Variants in TIAM1 observed in about 807,000 individuals in gnomAD.
TIAM1 encodes the protein TIAM Rac1 associated GEF 1, also known as rho guanine nucleotide exchange factor TIAM1.
A neutral mutation model predicts 163.5 loss-of-function variants in TIAM1; 65 were observed. That is an observed-to-expected ratio of 0.40 (90% confidence interval 0.33 to 0.49). The LOEUF (loss-of-function observed/expected upper bound fraction) is 0.49, where lower values mean the gene tolerates loss of function less well. Among genes scored for constraint, TIAM1 ranks in the 20% least tolerant of loss-of-function variants. The pLI is 0.77. For missense variants in TIAM1, 1,789 were observed against 2,044.7 expected (o/e 0.87, Z 2.41); for synonymous variants, 833 against 810.1 (o/e 1.03, Z -0.48).
At chr21:31,309,765 A>G (rs1173378433) in intron 2 of TIAM1, among the ~76,000 whole-genome samples, 1 of 152,214 alleles carries the variant, frequency 6.6e-6, no homozygotes, top group Non-Finnish European at 1.5e-5. Flanking sequence ...AACTATATGA[A>G]AAACCCAAAT....
chr21:31,229,539 G>C lies in TIAM1; in HGVS notation c.1585-3589C>G, dbSNP rs574115464. ...TATTTCTTTGTCCTCCCAAGTGCCTGGTAGTACCTGATAAAAAGCTGGTTC... is the reference window on the plus strand; with the variant it reads ...TATTTCTTTGTCCTCCCAAGTGCCTCGTAGTACCTGATAAAAAGCTGGTTC... On this transcript the variant is annotated intron_variant, in intron 6 of 27. Coordinates refer to ENST00000541036, the MANE Select transcript of TIAM1 (RefSeq NM_001353694.2). Among the ~76,000 whole-genome samples the C allele has an allele frequency of 1.6e-4, 25 of 152,126 alleles. No homozygotes were observed. The South Asian group carries it at 4.6e-3, about 28-fold the overall frequency.
Position 31,210,653 on chromosome 21 carries a change from GAA to G in TIAM1, c.2218-440_2218-439del, listed in dbSNP as rs764603390. On this transcript the variant is annotated intron_variant, in intron 10 of 27. Coordinates refer to ENST00000541036, the MANE Select transcript of TIAM1 (RefSeq NM_001353694.2). Reference sequence around the variant, plus strand: ...AGAAAGAAAGAAAGAAAGAAAGAAAGAAAGAAAGAAAGAAAAAGAAAGAAAGA... The same window carrying G: ...AGAAAGAAAGAAAGAAAGAAAGAAAGAGAAAGAAAGAAAAAGAAAGAAAGA... Among the ~76,000 whole-genome samples, 194 of 25,130 alleles carry G rather than the reference GAA, an allele frequency of 7.7e-3. 11 individuals carry two copies. The highest frequency in any genetic ancestry group is 0.024 in the African/African-American group (128 of 5,296). The allele number at this position is 25,130 out of a possible 152,430, so 16.5% of individuals were successfully genotyped here.
At chr21:31,223,630 A>G in intron 7 of TIAM1, 39 bp from the exon 8 acceptor site, 1 of 1,556,566 alleles carries the variant, frequency 6.4e-7, no homozygotes, top group African/African-American at 1.4e-5. Flanking sequence ...AAAGTGAGAA[A>G]ATGGGAAACA....
intron 2 of TIAM1, among the ~76,000 whole-genome samples, chr21:31,293,030 G>C (rs909042622): frequency 6.6e-6 from 1 of 152,152 alleles, no homozygotes; most frequent in Non-Finnish European, 1.5e-5. Flanking sequence ...CGCCATGTTG[G>C]CCAGGATGGT....
At chr21:31,365,325 G>A (rs938109650) in intron 2 of TIAM1, among the ~76,000 whole-genome samples, 31 of 151,194 alleles carry the variant, frequency 2.1e-4, no homozygotes, top group African/African-American at 2.4e-4. Context: ...TGATGTTTCC[G>A]TCTTGTCCAA....
intron 2 of TIAM1, among the ~76,000 whole-genome samples, chr21:31,429,507 G>A (rs920217076): frequency 3.9e-4 from 59 of 152,174 alleles, no homozygotes; most frequent in African/African-American, 1.4e-3. Context: ...TACACCCCGG[G>A]GAGGCGGAGG....
At chr21:31,533,592 G>A (rs955222973) in intron 1 of TIAM1, among the ~76,000 whole-genome samples, 1 of 152,032 alleles carries the variant, frequency 6.6e-6, no homozygotes, top group South Asian at 2.1e-4. Flanking sequence ...AATTAGCCAG[G>A]GGTGGTGGTA....
intron 1 of TIAM1, among the ~76,000 whole-genome samples, chr21:31,552,739 C>T (rs1419105821): frequency 1.3e-5 from 2 of 152,026 alleles, no homozygotes; most frequent in African/African-American, 4.8e-5. Flanking sequence ...CACTGCACTC[C>T]AGCCTGGGTG....
intron 16 of TIAM1, among the ~76,000 whole-genome samples, chr21:31,154,678 A>G (rs774260923): frequency 3.3e-5 from 5 of 152,214 alleles, no homozygotes; most frequent in Non-Finnish European, 7.3e-5. Context: ...TCATCTGCCC[A>G]CACGGTAAGG....
chr21:31,160,237 T>G (rs1449336194), intron 16 of TIAM1, among the ~76,000 whole-genome samples: 1 of 152,020 alleles, frequency 6.6e-6, no homozygotes, highest in East Asian at 1.9e-4. Context: ...CAAATTCAAC[T>G]CCATACCAAC....
intron 2 of TIAM1, among the ~76,000 whole-genome samples, chr21:31,320,364 A>G (rs932460017): frequency 6.6e-6 from 1 of 152,134 alleles, no homozygotes; most frequent in African/African-American, 2.4e-5. Context: ...ATGATGAAAA[A>G]GTTCTAGAAT....
intron 2 of TIAM1, among the ~76,000 whole-genome samples, chr21:31,436,236 T>C (rs1209330671): frequency 6.6e-6 from 1 of 152,186 alleles, no homozygotes; most frequent in African/African-American, 2.4e-5. Context: ...AAGCACCACG[T>C]AATATACACG....
intron 1 of TIAM1, among the ~76,000 whole-genome samples, chr21:31,483,592 T>C (rs975297845): frequency 6.6e-6 from 1 of 152,010 alleles, no homozygotes. Flanking sequence ...CCAAGATTGG[T>C]TTTATATGCA....
intron 1 of TIAM1, among the ~76,000 whole-genome samples, chr21:31,510,460 G>A (rs376762224): frequency 1.3e-5 from 2 of 152,116 alleles, no homozygotes; most frequent in African/African-American, 2.4e-5. Context: ...ATGAGGGTTC[G>A]GGATTCAACA....
intron 1 of TIAM1, among the ~76,000 whole-genome samples, chr21:31,340,734 A>G (rs2075988880): frequency 6.6e-6 from 1 of 151,870 alleles, no homozygotes; most frequent in East Asian, 1.9e-4. Flanking sequence ...ACTAACTTAC[A>G]TCTCAGTCGC....
chr21:31,153,200 G>A (rs2083459671), intron 17 of TIAM1, 66 bp from the exon 18 acceptor site: 1 of 1,315,128 alleles, frequency 7.6e-7, no homozygotes, highest in Non-Finnish European at 1.1e-6. Context: ...AGAACTTAAA[G>A]TATAAAGCAT....
Position 31,479,038 on chromosome 21 carries a change from A to G in TIAM1, c.-421-15003T>C, listed in dbSNP as rs148154398. 2.6e-3 allele frequency among the ~76,000 whole-genome samples: 403 copies of G among 152,316 alleles called. 6 individuals carry two copies. Among genetic ancestry groups the G allele is most frequent in the African/African-American group, 8.6e-3 (358 of 41,550 alleles). On this transcript the variant is annotated intron_variant, in intron 1 of 28. Transcript: ENST00000286827. ...GGACATTTTTAACTACCTGTGAAAG[A>G]AATCGTGAGCCTGGTGGGAACAAGC...
At chr21:31,315,446 C>T (rs1205571154) in intron 2 of TIAM1, among the ~76,000 whole-genome samples, 46 of 151,616 alleles carry the variant, frequency 3.0e-4, no homozygotes, top group Non-Finnish European at 5.5e-4. Flanking sequence ...ACCCGGGAGG[C>T]GGAGCTTGCA....
chr21:31,437,502 C>CAAA (rs778245444), intron 2 of TIAM1, among the ~76,000 whole-genome samples: 5 of 106,516 alleles, frequency 4.7e-5, no homozygotes, highest in African/African-American at 1.6e-4. Flanking sequence ...GACCCTGTCT[C>CAAA]AAAAAAAAAA....
Sources: gnomAD v4.1 joint callset for allele counts (sites outside exome capture counted in the v4.1 genomes callset) on GRCh38, gnomAD v4.1.1 for gene constraint, MANE v1.5 for transcripts, NCBI Gene and HGNC (gene_info 2026-07-23, HGNC 2026-07-21) for gene names.